Variants in RNF17 observed in about 807,000 individuals in gnomAD.
RNF17 encodes the protein spermatogenesis associated 23.
In RNF17, 31 loss-of-function variants were observed where a neutral mutation model predicts 200.5. The observed-to-expected ratio is 0.15, with a 90% CI of 0.12 to 0.21. RNF17 has a LOEUF of 0.21. Among genes scored for constraint, RNF17 ranks in the 10% least tolerant of loss-of-function variants. The pLI, the probability that RNF17 is intolerant of heterozygous loss-of-function variation, is 1.00. For synonymous variants in RNF17, 606 were observed against 637.8 expected (o/e 0.95, Z 0.75); for missense variants, 1,628 against 1,905.1 (o/e 0.85, Z 2.71).
At chr13:24,783,861 C>T (rs563407329) in intron 6 of RNF17, among the ~76,000 whole-genome samples, 8 of 152,282 alleles carry the variant, frequency 5.3e-5, no homozygotes, top group Admixed American at 3.3e-4. Context: ...CTTTCCAATT[C>T]GAAAACCTTA....
chr13:24,859,616 T>C (rs1892880350), intron 26 of RNF17, among the ~76,000 whole-genome samples: 2 of 151,780 alleles, frequency 1.3e-5, no homozygotes, highest in Admixed American at 1.3e-4. Flanking sequence ...AATATATATA[T>C]ATATAAAATA....
At chr13:24,796,080 T>G in intron 10 of RNF17, 57 bp from the exon 11 acceptor site, 1 of 1,335,670 alleles carries the variant, frequency 7.5e-7, no homozygotes, top group Middle Eastern at 2.1e-4. Context: ...TGTTCAGCTT[T>G]CATGAATTAT....
At chr13:24,851,028 C>G (rs1203512444) in intron 23 of RNF17, among the ~76,000 whole-genome samples, 14 of 152,096 alleles carry the variant, frequency 9.2e-5, no homozygotes, top group Non-Finnish European at 1.5e-5. Flanking sequence ...GAGTTTTGCT[C>G]TTGTGGCCCA....
the RNF17 span, among the ~76,000 whole-genome samples, chr13:24,754,728 G>GAAATA: frequency 2.0e-4 from 30 of 151,992 alleles, no homozygotes; most frequent in African/African-American, 7.0e-4. Flanking sequence ...CATCTCTGCA[G>GAAATA]AAATAAAATA....
chr13:24,770,529 A>G (rs1192145067), intron 2 of RNF17, among the ~76,000 whole-genome samples: 1 of 152,214 alleles, frequency 6.6e-6, no homozygotes, highest in East Asian at 1.9e-4. Flanking sequence ...ACTAGGAGGT[A>G]TATAGAAATA....
At chr13:24,885,996 A>C in the RNF17 span, 2 of 401,306 alleles carry the variant, frequency 5.0e-6, no homozygotes, top group South Asian at 4.4e-5. Context: ...AGACCTGTGG[A>C]ATTTGGCTTC....
chr13:24,881,998 CTATATAGA>C (rs1953861263), downstream of RNF17, among the ~76,000 whole-genome samples: 1 of 32,296 alleles, frequency 3.1e-5, no homozygotes, highest in Admixed American at 3.6e-4. Flanking sequence ...ATAGATACAT[CTATATAGA>C]TATATAGATA....
chr13:24,825,661 G>A lies in RNF17; in HGVS notation c.2134G>A (p.Glu712Lys). 1 of 1,606,018 alleles carries A rather than the reference G, an allele frequency of 6.2e-7. No individual in the cohort carries two copies. Among genetic ancestry groups the A allele is most frequent in the Non-Finnish European group, 8.5e-7 (1 of 1,172,846 alleles). Reference protein sequence around the residue: ...DILFLLKTIEEFYKSEDGENL... With the variant: ...DILFLLKTIEKFYKSEDGENL... ...TTTATTTCTATTAAAGACAATCGAG[G>A]AATTCTATAAAAGTGAAGATGGAGA... Residue 712 changes from glutamate to lysine, a missense_variant, in exon 16 of 36, where the codon GAA becomes AAA. By Grantham distance (56) the Glu-to-Lys change is moderately conservative. Coordinates refer to ENST00000255324, the MANE Select transcript of RNF17 (RefSeq NM_031277.3).
chr13:24,836,271 A>G (rs950824125), intron 18 of RNF17, among the ~76,000 whole-genome samples: 7 of 152,196 alleles, frequency 4.6e-5, no homozygotes, highest in African/African-American at 1.7e-4. Context: ...AGAAGCACAA[A>G]GCTTGGAAAA....
At chr13:24,867,794 C>G (rs912928089) in intron 30 of RNF17, among the ~76,000 whole-genome samples, 1 of 152,148 alleles carries the variant, frequency 6.6e-6, no homozygotes, top group Non-Finnish European at 1.5e-5. Flanking sequence ...TGTAGTATTC[C>G]TTTGCTTTCA....
chr13:24,852,413 C>T (rs1892039078), intron 24 of RNF17, among the ~76,000 whole-genome samples: 5 of 152,166 alleles, frequency 3.3e-5, no homozygotes. Context: ...GCTGGGATTA[C>T]AGGTGTGAGC....
chr13:24,835,239 C>A (rs185901533), intron 18 of RNF17, among the ~76,000 whole-genome samples: 10 of 151,904 alleles, frequency 6.6e-5, no homozygotes, highest in Admixed American at 1.3e-4. Context: ...TTCCCTACCC[C>A]CCCTGGTAGC....
At chr13:24,859,436 T>C (rs1892859781) in intron 26 of RNF17, among the ~76,000 whole-genome samples, 1 of 152,154 alleles carries the variant, frequency 6.6e-6, no homozygotes, top group Non-Finnish European at 1.5e-5. Flanking sequence ...TTTCCACACA[T>C]AGTGTTAAGT....
upstream of RNF17, among the ~76,000 whole-genome samples, chr13:24,762,369 TAAAAAAAA>T (rs370600110): frequency 2.6e-4 from 30 of 113,894 alleles, no homozygotes; most frequent in African/African-American, 9.2e-4. Context: ...ACTCCATTTC[TAAAAAAAA>T]AAAAAAAAAA....
intron 4 of RNF17, 107 bp downstream of exon 4, chr13:24,778,513 A>G (rs1881897732): frequency 1.3e-6 from 1 of 777,088 alleles, no homozygotes; most frequent in Admixed American, 2.2e-5. Flanking sequence ...GGAAGTTTAT[A>G]CGTAACAAGT....
At chr13:24,804,146 C>T in intron 14 of RNF17, 142 bp from the exon 15 acceptor site, 2 of 686,516 alleles carry the variant, frequency 2.9e-6, no homozygotes, top group Non-Finnish European at 4.9e-6. Flanking sequence ...CCTGTGGTCC[C>T]AGCTACTTGG....
chr13:24,804,817 G>A (rs538620937), intron 15 of RNF17, among the ~76,000 whole-genome samples: 2 of 152,082 alleles, frequency 1.3e-5, no homozygotes, highest in South Asian at 2.1e-4. Flanking sequence ...AAGGCATTTC[G>A]TATTGAACTT....
chr13:24,763,006 A>T (rs967920233), upstream of RNF17, among the ~76,000 whole-genome samples: 1 of 152,034 alleles, frequency 6.6e-6, no homozygotes, highest in African/African-American at 2.4e-5. Flanking sequence ...CTTCCCTCAC[A>T]TCTACCTTCC....
At position 24,767,662 on chromosome 13, in the gene RNF17, C is replaced by T. The variant is rs138003374; in HGVS notation, c.225+296C>T. Among the ~76,000 whole-genome samples, 1,403 of 151,534 alleles carry T rather than the reference C, an allele frequency of 9.3e-3. 31 individuals carry two copies. Among genetic ancestry groups the T allele is most frequent in the African/African-American group, 0.032 (1,313 of 41,298 alleles). ...GCTCGGTAGCCTGAAGCAGGAGAAT[C>T]GCTTGAACCTGGGAGGTGGAGGCTG... is the stretch of plus-strand genomic sequence containing the variant. On this transcript the variant is annotated intron_variant, in intron 2 of 35. Transcript: ENST00000255324.
Sources: gnomAD v4.1 joint callset for allele counts (sites outside exome capture counted in the v4.1 genomes callset) on GRCh38, gnomAD v4.1.1 for gene constraint, MANE v1.5 for transcripts, NCBI Gene and HGNC (gene_info 2026-07-23, HGNC 2026-07-21) for gene names.